The following MAGI2 variants were observed in gnomAD, a reference collection of about 807,000 sequenced individuals.
MAGI2 encodes membrane associated guanylate kinase, WW and PDZ domain containing 2.
MAGI2 carries 35 observed loss-of-function variants against 133.3 expected under a neutral mutation model. The observed-to-expected ratio is 0.26, with a 90% CI of 0.20 to 0.35. The LOEUF (loss-of-function observed/expected upper bound fraction) is 0.35. MAGI2 is among the 10% of genes least tolerant of loss of function. MAGI2 has a pLI of 1.00. For synonymous variants in MAGI2, 729 were observed against 710.6 expected (o/e 1.03, Z -0.41); for missense variants, 1,636 against 1,863.4 (o/e 0.88, Z 2.25).
At chr7:79,102,853 T>C (rs1818106608) in intron 1 of MAGI2, among the ~76,000 whole-genome samples, 1 of 152,220 alleles carries the variant, frequency 6.6e-6, no homozygotes, top group South Asian at 2.1e-4. Flanking sequence ...GCTGCGAAGA[T>C]AGTTTGCAGA....
chr7:78,519,323 G>A lies in MAGI2; in HGVS notation c.754+2107C>T, dbSNP rs80069365. 6.3e-3 allele frequency among the ~76,000 whole-genome samples: 956 copies of A among 152,164 alleles called. 10 individuals carry two copies. The highest frequency in any genetic ancestry group is 0.022 in the African/African-American group (925 of 41,522). The stretch of plus-strand genomic sequence containing the variant: ...ATGGACCATTTTTTGGTTTGAGACT[G>A]TTCGGCTCATTTTTGAACAGTGGGT... On this transcript the variant is annotated intron_variant, in intron 4 of 21. Coordinates refer to ENST00000354212, the MANE Select transcript of MAGI2 (RefSeq NM_012301.4).
chr7:78,868,762 C>CA (rs1563602138), intron 2 of MAGI2, among the ~76,000 whole-genome samples: 1 of 150,714 alleles, frequency 6.6e-6, no homozygotes, highest in East Asian at 2.0e-4. Context: ...GTAATACATA[C>CA]TTTTTTTTTG....
intron 7 of MAGI2, among the ~76,000 whole-genome samples, chr7:78,357,692 A>G (rs1394267811): frequency 6.6e-6 from 1 of 152,194 alleles, no homozygotes; most frequent in African/African-American, 2.4e-5. Flanking sequence ...TTACCTTATG[A>G]TAAGTTTGAG....
chr7:78,169,969 G>C (rs564115379), intron 14 of MAGI2, among the ~76,000 whole-genome samples: 1 of 152,174 alleles, frequency 6.6e-6, no homozygotes, highest in Non-Finnish European at 1.5e-5. Context: ...TCAAAGATTT[G>C]GTAAGTGCTT....
At chr7:78,713,317 C>T (rs889214612) in intron 2 of MAGI2, among the ~76,000 whole-genome samples, 2 of 151,878 alleles carry the variant, frequency 1.3e-5, no homozygotes, top group African/African-American at 4.8e-5. Flanking sequence ...TGTACTAGGC[C>T]CTATGCTTGG....
intron 2 of MAGI2, among the ~76,000 whole-genome samples, chr7:78,746,238 G>A (rs1375701517): frequency 6.6e-6 from 1 of 152,162 alleles, no homozygotes; most frequent in Non-Finnish European, 1.5e-5. Context: ...TTTTTGAAGA[G>A]CCAGCTCTCA....
At chr7:78,799,425 G>A (rs37872) in intron 2 of MAGI2, among the ~76,000 whole-genome samples, 130,751 of 152,142 alleles carry the variant, frequency 0.86, 56,572 homozygotes, top group East Asian at 1. Context: ...AACTGAAGCC[G>A]TACTTATTAA....
chr7:78,866,738 C>T (rs956004674), intron 2 of MAGI2, among the ~76,000 whole-genome samples: 3 of 151,962 alleles, frequency 2.0e-5, no homozygotes, highest in African/African-American at 7.3e-5. Context: ...AGATCTCCTG[C>T]TAAAGATAGT....
chr7:78,528,515 A>G (rs1797172692), intron 3 of MAGI2, among the ~76,000 whole-genome samples: 1 of 152,228 alleles, frequency 6.6e-6, no homozygotes, highest in Non-Finnish European at 1.5e-5. Context: ...AATCATAGTC[A>G]TATAGCTATA....
intron 9 of MAGI2, among the ~76,000 whole-genome samples, chr7:78,308,696 T>C (rs986001007): frequency 1.3e-5 from 2 of 152,122 alleles, no homozygotes; most frequent in African/African-American, 4.8e-5. Flanking sequence ...GACAGGTAGG[T>C]AGCAACCTCC....
At chr7:79,268,472 C>T (rs769258711) in intron 1 of MAGI2, among the ~76,000 whole-genome samples, 3 of 152,254 alleles carry the variant, frequency 2.0e-5, no homozygotes, top group South Asian at 2.1e-4. Flanking sequence ...GCTTTCCTAG[C>T]GTTGGAAACG....
chr7:78,726,548 G>T (rs1820825768), intron 2 of MAGI2, among the ~76,000 whole-genome samples: 1 of 152,164 alleles, frequency 6.6e-6, no homozygotes, highest in African/African-American at 2.4e-5. Context: ...TTTAACTGAA[G>T]TTAGATAAAA....
intron 1 of MAGI2, among the ~76,000 whole-genome samples, chr7:79,293,445 C>G (rs1045571533): frequency 6.6e-6 from 1 of 152,152 alleles, no homozygotes; most frequent in African/African-American, 2.4e-5. Flanking sequence ...ATGCTTCACA[C>G]AGTTTGCATT....
chr7:79,434,006 C>G (rs911341393), intron 1 of MAGI2, among the ~76,000 whole-genome samples: 2 of 151,952 alleles, frequency 1.3e-5, no homozygotes, highest in African/African-American at 4.8e-5. Flanking sequence ...CACTAATTTA[C>G]GATGAACTGC....
chr7:79,259,826 T>G (rs1353281099), intron 1 of MAGI2, among the ~76,000 whole-genome samples: 1 of 152,228 alleles, frequency 6.6e-6, no homozygotes, highest in African/African-American at 2.4e-5. Flanking sequence ...GTATTTACCC[T>G]GTTTAACACA....
intron 2 of MAGI2, among the ~76,000 whole-genome samples, chr7:78,669,115 A>C (rs553345104): frequency 3.3e-5 from 5 of 152,174 alleles, no homozygotes; most frequent in African/African-American, 1.2e-4. Context: ...CCTTTCAAAA[A>C]ATTAATGAAT....
intron 1 of MAGI2, among the ~76,000 whole-genome samples, chr7:79,021,690 G>A (rs1005633171): frequency 6.6e-6 from 1 of 152,144 alleles, no homozygotes; most frequent in Non-Finnish European, 1.5e-5. Flanking sequence ...GAAGGGACTT[G>A]TCTTGCTTCA....
chr7:78,341,419 A>T (rs1790360999), intron 9 of MAGI2, among the ~76,000 whole-genome samples: 1 of 152,200 alleles, frequency 6.6e-6, no homozygotes, highest in Non-Finnish European at 1.5e-5. Context: ...ATCCCCATCA[A>T]GCTACCGTTG....
At chr7:78,951,617 GT>G (rs1801880228) in intron 2 of MAGI2, among the ~76,000 whole-genome samples, 1 of 152,154 alleles carries the variant, frequency 6.6e-6, no homozygotes, top group Non-Finnish European at 1.5e-5. Context: ...TGAGATTTGG[GT>G]GGGGACATGG....
Sources: allele counts gnomAD v4.1 joint callset (sites outside exome capture counted in the v4.1 genomes callset), GRCh38; gene constraint gnomAD v4.1.1; transcripts MANE v1.5; gene names NCBI Gene and HGNC (gene_info 2026-07-23, HGNC 2026-07-21).